The following BICC1 variants were observed in gnomAD, a reference collection of about 807,000 sequenced individuals.
BICC1 encodes the protein protein bicaudal C homolog 1.
A neutral mutation model predicts 111.0 loss-of-function variants in BICC1; 43 were observed. The ratio of observed to expected loss-of-function variants is 0.39; its 90% CI spans 0.30 to 0.50. The LOEUF is 0.50. BICC1 is among the 20% of genes least tolerant of loss of function. The probability of loss-of-function intolerance (pLI) is 0.88; values close to 1 mark genes in which losing one functional copy is unlikely to be tolerated. For missense variants in BICC1, 1,091 were observed against 1,203.2 expected (o/e 0.91, Z 1.38); for synonymous variants, 467 against 434.4 (o/e 1.07, Z -0.93).
chr10:58,798,267 C>A, intron 10 of BICC1, 132 bp from the exon 11 acceptor site: 1 of 696,186 alleles, frequency 1.4e-6, no homozygotes. Flanking sequence ...GAAAGAAAAT[C>A]TGTCATCCAT....
intron 3 of BICC1, among the ~76,000 whole-genome samples, chr10:58,754,749 G>C (rs1310544473): frequency 7.9e-6 from 1 of 126,098 alleles, no homozygotes; most frequent in Non-Finnish European, 1.7e-5. Flanking sequence ...AACTTGTGAG[G>C]GGGGGTGTGT....
chr10:58,628,115 C>T (rs1837687620), intron 2 of BICC1, among the ~76,000 whole-genome samples: 1 of 152,092 alleles, frequency 6.6e-6, no homozygotes, highest in Non-Finnish European at 1.5e-5. Context: ...CCGTGACTCT[C>T]AGTGGTGAGA....
At chr10:58,715,064 T>C (rs1323645204) in intron 3 of BICC1, among the ~76,000 whole-genome samples, 1 of 145,646 alleles carries the variant, frequency 6.9e-6, no homozygotes, top group African/African-American at 2.6e-5. Context: ...CAAGACTCTG[T>C]CTCAAAAAAA....
intron 2 of BICC1, among the ~76,000 whole-genome samples, chr10:58,657,895 C>T (rs1402860130): frequency 6.6e-6 from 1 of 152,084 alleles, no homozygotes; most frequent in East Asian, 1.9e-4. Flanking sequence ...GTTGATATGT[C>T]TTCAGTTGTA....
intron 3 of BICC1, among the ~76,000 whole-genome samples, chr10:58,759,169 AG>A (rs1184045832): frequency 6.6e-6 from 1 of 152,006 alleles, no homozygotes; most frequent in Admixed American, 6.6e-5. Context: ...CATGTTGGCC[AG>A]GCTGGTCTCG....
rs1341709876 is a variant in BICC1 at position 58,828,967 on chromosome 10, C to T, written c.*76C>T. 59 of 1,566,500 alleles carry T rather than the reference C, an allele frequency of 3.8e-5. No homozygotes were observed. The highest frequency in any genetic ancestry group is 5.0e-5 in the Non-Finnish European group (57 of 1,148,662). On this transcript the variant is annotated 3_prime_UTR_variant, in exon 21 of 21. Coordinates refer to ENST00000373886, the MANE Select transcript of BICC1 (RefSeq NM_001080512.3). ...AGATGTATGAACAGCCTTCACAGCA[C>T]ACCATCCTTAGCACTCTGGGTGTCT...
intron 2 of BICC1, among the ~76,000 whole-genome samples, chr10:58,647,896 A>G (rs1392092901): frequency 6.6e-6 from 1 of 152,214 alleles, no homozygotes; most frequent in Non-Finnish European, 1.5e-5. Context: ...TTACAGAGAA[A>G]GTTGATAAGC....
intron 3 of BICC1, among the ~76,000 whole-genome samples, chr10:58,740,981 C>T (rs970917003): frequency 2.6e-5 from 4 of 152,172 alleles, no homozygotes; most frequent in Non-Finnish European, 4.4e-5. Flanking sequence ...ACAATGTGAA[C>T]GCTGTCCCTG....
chr10:58,599,643 G>A (rs951373562), intron 1 of BICC1, among the ~76,000 whole-genome samples: 6 of 152,032 alleles, frequency 3.9e-5, no homozygotes, highest in African/African-American at 1.4e-4. Context: ...AGAACTTAAA[G>A]CATATTAATA....
chr10:58,658,553 A>G (rs929086703), intron 2 of BICC1, among the ~76,000 whole-genome samples: 28 of 152,114 alleles, frequency 1.8e-4, no homozygotes, highest in African/African-American at 6.8e-4. Context: ...TTATTATGCC[A>G]TCTGTGTTTG....
intron 1 of BICC1, among the ~76,000 whole-genome samples, chr10:58,558,482 C>T (rs1383893280): frequency 2.0e-5 from 3 of 152,122 alleles, no homozygotes; most frequent in East Asian, 1.9e-4. Context: ...TTATTTGTTT[C>T]CCCCCAGGAA....
chr10:58,828,806 G>T lies in BICC1; in HGVS notation c.2840G>T (p.Arg947Leu). The change falls in exon 21 of 21, where the codon CGC becomes CTC. Residue 947 changes from arginine (R) to leucine (L), a missense_variant. By Grantham distance (102) the Arg-to-Leu change is moderately radical (BLOSUM62 -2). This residue lies in a region of BICC1 where 231 missense variants were observed against 256.2 expected (regional missense o/e 0.90). Coordinates refer to ENST00000373886, the MANE Select transcript of BICC1 (RefSeq NM_001080512.3). ...RRKLFESPNA[R>L]TSFLEGGASG... ...AAGCTTTTTGAATCGCCAAATGCACGCACCTCTTTCCTGGAAGGTGGAGCG... is the reference window on the plus strand; with the variant it reads ...AAGCTTTTTGAATCGCCAAATGCACTCACCTCTTTCCTGGAAGGTGGAGCG... 1.9e-6 allele frequency: 3 copies of T among 1,613,778 alleles called. No individual in the cohort carries two copies. The highest frequency in any genetic ancestry group is 2.5e-6 in the Non-Finnish European group (3 of 1,179,802).
chr10:58,737,105 T>C (rs1341009420), intron 3 of BICC1, among the ~76,000 whole-genome samples: 2 of 152,178 alleles, frequency 1.3e-5, no homozygotes, highest in Non-Finnish European at 2.9e-5. Context: ...TGTGATTTTT[T>C]AAAATTATAC....
intron 3 of BICC1, among the ~76,000 whole-genome samples, chr10:58,703,861 C>G (rs1840311939): frequency 1.3e-5 from 2 of 152,276 alleles, no homozygotes; most frequent in East Asian, 1.9e-4. Flanking sequence ...CAAAGAAAAT[C>G]CCCAAGGAAA....
intron 20 of BICC1, among the ~76,000 whole-genome samples, chr10:58,820,950 C>T (rs1899978): frequency 0.73 from 111,472 of 152,012 alleles, 40,993 homozygotes; most frequent in Admixed American, 0.75. Context: ...TTCCCACTGT[C>T]TTAATAGAAT....
chr10:58,795,677 G>A (rs910077526), intron 9 of BICC1, among the ~76,000 whole-genome samples: 2 of 151,824 alleles, frequency 1.3e-5, no homozygotes, highest in Admixed American at 6.6e-5. Flanking sequence ...TCCATTGAGG[G>A]CTTTCCCCTT....
chr10:58,689,362 A>G (rs1183540698), intron 2 of BICC1, among the ~76,000 whole-genome samples: 2 of 152,168 alleles, frequency 1.3e-5, no homozygotes, highest in Non-Finnish European at 2.9e-5. Context: ...TCACGTGCCT[A>G]TTGGTAAACC....
chr10:58,648,853 G>A (rs184577085), intron 2 of BICC1, among the ~76,000 whole-genome samples: 189 of 152,266 alleles, frequency 1.2e-3, no homozygotes, highest in African/African-American at 4.4e-3. Flanking sequence ...GATTTGAGTA[G>A]GACCTTGCTT....
chr10:58,595,761 G>C (rs1844792495), intron 1 of BICC1, among the ~76,000 whole-genome samples: 1 of 152,060 alleles, frequency 6.6e-6, no homozygotes, highest in Non-Finnish European at 1.5e-5. Context: ...GGAGAAAGCA[G>C]GAAAGAGCTA....
Sources: allele counts gnomAD v4.1 joint callset (sites outside exome capture counted in the v4.1 genomes callset), GRCh38; gene constraint gnomAD v4.1.1; regional missense constraint gnomAD v4.1.1; transcripts MANE v1.5; gene names NCBI Gene and HGNC (gene_info 2026-07-23, HGNC 2026-07-21).